KAZN: variants seen among roughly 807,000 people sequenced by gnomAD.
KAZN encodes the protein kazrin.
A neutral mutation model predicts 87.4 loss-of-function variants in KAZN; 40 were observed. The ratio of observed to expected loss-of-function variants is 0.46; its 90% CI spans 0.36 to 0.60. The LOEUF is 0.60. KAZN is among the 20% of genes least tolerant of loss of function. The pLI is 0.00. For missense variants in KAZN, 898 were observed against 1,073.9 expected, an observed-to-expected ratio of 0.84 and a Z score of 2.29; for synonymous variants, 466 against 458.3, an observed-to-expected ratio of 1.02 and a Z score of -0.22.
rs60352751 is a variant in KAZN at position 14,331,800 on chromosome 1, A to G, written c.249+151208A>G. 2.9e-3 allele frequency among the ~76,000 whole-genome samples: 437 copies of G among 152,198 alleles called. 2 individuals are homozygous for G. The highest frequency in any genetic ancestry group is 0.01 in the African/African-American group (416 of 41,528). On this transcript the variant is annotated intron_variant, in intron 2 of 16. Coordinates refer to the KAZN transcript ENST00000636203. ...ATAAATAACCATTTTCCCAATTTCC[A>G]TCATTTCCTTGCTTTTCTTCTTCTA...
At chr1:14,510,640 G>A (rs1004278541) in intron 2 of KAZN, among the ~76,000 whole-genome samples, 1 of 152,156 alleles carries the variant, frequency 6.6e-6, no homozygotes, top group Non-Finnish European at 1.5e-5. Flanking sequence ...GGAGTGACAT[G>A]AACTAATTTA....
intron 1 of KAZN, among the ~76,000 whole-genome samples, chr1:14,793,568 T>C (rs1193425679): frequency 6.6e-6 from 1 of 152,220 alleles, no homozygotes; most frequent in Non-Finnish European, 1.5e-5. Context: ...TACCTGGTTA[T>C]AGGGTTATTG....
rs1322724335 is a variant in KAZN at position 15,055,992 on chromosome 1, A to G, written c.727-99A>G. On this transcript the variant is annotated intron_variant, in intron 4 of 14. Coordinates refer to ENST00000376030, the MANE Select transcript of KAZN (RefSeq NM_201628.3). The stretch of plus-strand genomic sequence containing the variant: ...GAGCCAGCAATACCCGGTGCAGAGG[A>G]TCCGGGCTTTCTCCCCATGGCGGTG... 5.9e-6 allele frequency: 7 copies of G among 1,180,446 alleles called. No individual in the cohort carries two copies. The East Asian group carries it at 1.7e-4, about 28-fold the overall frequency. The allele number at this position is 1,180,446 out of a possible 1,614,324, so 73.1% of individuals were successfully genotyped here.
At chr1:14,863,062 C>T (rs1021989846) in intron 1 of KAZN, among the ~76,000 whole-genome samples, 5 of 151,604 alleles carry the variant, frequency 3.3e-5, no homozygotes, top group East Asian at 3.9e-4. Flanking sequence ...CAGGATGAGA[C>T]GCTTCTGTAG....
At chr1:14,844,020 C>T (rs1648361978) in intron 1 of KAZN, among the ~76,000 whole-genome samples, 1 of 152,200 alleles carries the variant, frequency 6.6e-6, no homozygotes, top group Non-Finnish European at 1.5e-5. Context: ...TTACGCCTCT[C>T]CCTCATCCTC....
intron 1 of KAZN, among the ~76,000 whole-genome samples, chr1:14,943,007 G>T (rs922981643): frequency 1.4e-4 from 14 of 100,864 alleles, no homozygotes; most frequent in South Asian, 3.3e-4. Flanking sequence ...GTGTGTGTGT[G>T]GTGTGTGTGT....
intron 2 of KAZN, among the ~76,000 whole-genome samples, chr1:14,453,985 C>G (rs762240184): frequency 6.6e-6 from 1 of 151,968 alleles, no homozygotes; most frequent in Non-Finnish European, 1.5e-5. Flanking sequence ...AGAACTTTTA[C>G]AGCATGTATT....
At chr1:14,410,364 A>G (rs1296470478) in intron 2 of KAZN, among the ~76,000 whole-genome samples, 1 of 152,182 alleles carries the variant, frequency 6.6e-6, no homozygotes, top group African/African-American at 2.4e-5. Context: ...GGCCTTCCAA[A>G]GTGCTAGGAC....
At chr1:14,707,049 A>G (rs866840345) in intron 1 of KAZN, among the ~76,000 whole-genome samples, 6 of 152,188 alleles carry the variant, frequency 3.9e-5, no homozygotes, top group Non-Finnish European at 7.4e-5. Context: ...GGTGTATTCT[A>G]AAGTCTAGTT....
intron 2 of KAZN, among the ~76,000 whole-genome samples, chr1:14,554,991 C>T (rs1438853081): frequency 6.6e-6 from 1 of 152,224 alleles, no homozygotes; most frequent in Non-Finnish European, 1.5e-5. Flanking sequence ...CCTTTTAGAG[C>T]TATGATTCCG....
At chr1:15,061,494 A>C (rs1638793164) in intron 6 of KAZN, 1 of 151,886 alleles carries the variant, frequency 6.6e-6, no homozygotes, top group South Asian at 2.1e-4. Context: ...CAGGCCTGGG[A>C]TTCTCTTTTT....
chr1:14,018,464 T>C (rs1640672189), intron 1 of KAZN, among the ~76,000 whole-genome samples: 1 of 152,168 alleles, frequency 6.6e-6, no homozygotes, highest in African/African-American at 2.4e-5. Flanking sequence ...CTATAATTTA[T>C]AGCGGTGATA....
chr1:14,527,079 C>T (rs1213340899), intron 2 of KAZN, among the ~76,000 whole-genome samples: 5 of 152,136 alleles, frequency 3.3e-5, no homozygotes, highest in Admixed American at 3.3e-4. Context: ...TGGATTAAAA[C>T]GATGTATTAT....
intron 2 of KAZN, among the ~76,000 whole-genome samples, chr1:14,530,208 A>C (rs909444397): frequency 6.6e-6 from 1 of 152,212 alleles, no homozygotes; most frequent in Non-Finnish European, 1.5e-5. Context: ...GACACATTCC[A>C]GGAAGAGAAA....
In KAZN at chr1:14,520,842, A is replaced by G. The variant is rs142625739; in HGVS notation, c.250-78141A>G. The stretch of plus-strand genomic sequence containing the variant: ...ATTCACCGGACTCAACTAAAAAATG[A>G]AAGAGCTGAACCAAAGGAGCAGAAT... On this transcript the variant is annotated intron_variant, in intron 2 of 16. Coordinates refer to the KAZN transcript ENST00000636203. Among the ~76,000 whole-genome samples the G allele has an allele frequency of 4.3e-3, 653 of 152,324 alleles. 6 individuals carry two copies. The highest frequency in any genetic ancestry group is 0.015 in the African/African-American group (617 of 41,582).
intron 2 of KAZN, among the ~76,000 whole-genome samples, chr1:14,452,250 G>A (rs918791887): frequency 3.3e-5 from 5 of 152,050 alleles, no homozygotes; most frequent in Non-Finnish European, 7.4e-5. Context: ...AACTTTGAAT[G>A]GGTAGACTAA....
chr1:15,050,079 A>G (rs1674158016), intron 4 of KAZN, among the ~76,000 whole-genome samples: 1 of 82,590 alleles, frequency 1.2e-5, no homozygotes, highest in Admixed American at 1.2e-4. Flanking sequence ...AGTAGAGTAG[A>G]GTACAGTAGA....
intron 2 of KAZN, among the ~76,000 whole-genome samples, chr1:14,378,715 G>A (rs867643831): frequency 6.6e-6 from 1 of 152,168 alleles, no homozygotes; most frequent in Non-Finnish European, 1.5e-5. Flanking sequence ...GCCAGAGGGG[G>A]ATATTCCATC....
At chr1:14,887,522 G>T (rs182642237) in intron 1 of KAZN, among the ~76,000 whole-genome samples, 1 of 152,204 alleles carries the variant, frequency 6.6e-6, no homozygotes, top group East Asian at 1.9e-4. Flanking sequence ...GTCTGCCTAC[G>T]CAGGGTTATC....
Sources: gnomAD v4.1 joint callset for allele counts (sites outside exome capture counted in the v4.1 genomes callset) on GRCh38, gnomAD v4.1.1 for gene constraint, MANE v1.5 for transcripts, NCBI Gene and HGNC (gene_info 2026-07-23, HGNC 2026-07-21) for gene names.